The following STK32B variants were observed in gnomAD, a reference collection of about 807,000 sequenced individuals.
STK32B encodes serine/threonine-protein kinase 32B.
A neutral mutation model predicts 52.6 loss-of-function variants in STK32B; 43 were observed. That is an observed-to-expected ratio of 0.82 (90% CI 0.64 to 1.05). The LOEUF is 1.05. STK32B is among the 50% of genes least tolerant of loss of function. The pLI is 0.00. For missense variants in STK32B, 621 were observed against 534.6 expected (o/e 1.16, Z -1.59); for synonymous variants, 238 against 204.3 (o/e 1.17, Z -1.41).
intron 6 of STK32B, among the ~76,000 whole-genome samples, chr4:5,439,172 C>T (rs1480039873): frequency 3.4e-5 from 5 of 148,600 alleles, no homozygotes; most frequent in South Asian, 2.2e-4. Context: ...CCTGAGGAAT[C>T]GCCACACTGA....
intron 3 of STK32B, among the ~76,000 whole-genome samples, chr4:5,268,352 A>G (rs539251122): frequency 6.6e-6 from 1 of 152,228 alleles, no homozygotes; most frequent in South Asian, 2.1e-4. Context: ...AGTGTTTGGA[A>G]ATGTATCTGC....
chr4:5,053,684 A>G (rs1218196256), intron 1 of STK32B, among the ~76,000 whole-genome samples: 1 of 152,192 alleles, frequency 6.6e-6, no homozygotes. Context: ...GGTGCTTGTT[A>G]AAATACAAGG....
chr4:5,192,553 T>G (rs868839790), intron 3 of STK32B, among the ~76,000 whole-genome samples: 22 of 152,218 alleles, frequency 1.4e-4, no homozygotes, highest in Admixed American at 1.0e-3. Flanking sequence ...TAGGATATTA[T>G]TTTTAAATGA....
At chr4:5,280,840 A>G (rs770567782) in intron 3 of STK32B, among the ~76,000 whole-genome samples, 7 of 152,256 alleles carry the variant, frequency 4.6e-5, no homozygotes, top group Non-Finnish European at 8.8e-5. Context: ...CAGAGGTTGC[A>G]GTGAGCCGAC....
intron 3 of STK32B, among the ~76,000 whole-genome samples, chr4:5,194,196 A>T (rs1033680369): frequency 1.3e-5 from 2 of 152,208 alleles, no homozygotes; most frequent in Non-Finnish European, 2.9e-5. Flanking sequence ...CAGAAAAAAA[A>T]TGTGAGCTTT....
At chr4:5,356,839 A>C (rs1338494496) in intron 4 of STK32B, among the ~76,000 whole-genome samples, 1 of 152,090 alleles carries the variant, frequency 6.6e-6, no homozygotes, top group Non-Finnish European at 1.5e-5. Context: ...TCCACTGAAA[A>C]TACAAAAAAT....
intron 5 of STK32B, among the ~76,000 whole-genome samples, chr4:5,401,505 G>C (rs953323523): frequency 6.6e-6 from 1 of 152,172 alleles, no homozygotes; most frequent in African/African-American, 2.4e-5. Context: ...TGCTCCCCTA[G>C]TGTCTGCCTT....
At chr4:5,245,466 G>A (rs1046614306) in intron 3 of STK32B, among the ~76,000 whole-genome samples, 11 of 151,244 alleles carry the variant, frequency 7.3e-5, no homozygotes, top group Non-Finnish European at 1.0e-4. Context: ...TTGAGCCTAC[G>A]TGAGCACGTG....
At chr4:5,235,790 A>G (rs572953851) in intron 3 of STK32B, among the ~76,000 whole-genome samples, 3 of 152,320 alleles carry the variant, frequency 2.0e-5, no homozygotes, top group Admixed American at 1.3e-4. Context: ...AACGCTTAAC[A>G]AGGTCTCCTG....
rs1711982525 is a variant in STK32B at position 5,414,457 on chromosome 4, C to T, written c.473-2388C>T. Among the ~76,000 whole-genome samples, 11 of 152,110 alleles carry T rather than the reference C, an allele frequency of 7.2e-5. No individual in the cohort carries two copies. The South Asian group carries it at 2.3e-3, about 32-fold the overall frequency. Reference sequence around the variant, plus strand: ...AAAGAATGTTTCGGGTCAAATCTTACCACCAAAATAATTGTGGAAAAAATT... The same window carrying T: ...AAAGAATGTTTCGGGTCAAATCTTATCACCAAAATAATTGTGGAAAAAATT... On this transcript the variant is annotated intron_variant, in intron 5 of 11. Coordinates refer to ENST00000282908, the MANE Select transcript of STK32B (RefSeq NM_018401.3).
intron 3 of STK32B, among the ~76,000 whole-genome samples, chr4:5,230,072 A>C (rs1488529387): frequency 1.3e-5 from 2 of 151,522 alleles, no homozygotes; most frequent in African/African-American, 4.9e-5. Flanking sequence ...GGCTCACTGC[A>C]ATGTCCACCA....
intron 2 of STK32B, among the ~76,000 whole-genome samples, chr4:5,153,279 G>A (rs916361390): frequency 6.6e-6 from 1 of 152,168 alleles, no homozygotes; most frequent in African/African-American, 2.4e-5. Context: ...CTCTGGGTCA[G>A]AGCCTGCTTC....
chr4:5,412,308 A>G (rs1405748851), intron 5 of STK32B, among the ~76,000 whole-genome samples: 1 of 152,220 alleles, frequency 6.6e-6, no homozygotes, highest in Non-Finnish European at 1.5e-5. Context: ...GAAGGAACTC[A>G]TAGGAAATCT....
intron 7 of STK32B, among the ~76,000 whole-genome samples, chr4:5,455,753 G>A (rs3821923): frequency 0.09 from 13,696 of 152,096 alleles, 1,011 homozygotes; most frequent in East Asian, 0.4. Context: ...ACACTACTGG[G>A]GCCCCGAGAA....
At chr4:5,406,392 G>T (rs1039776356) in intron 5 of STK32B, among the ~76,000 whole-genome samples, 4 of 152,088 alleles carry the variant, frequency 2.6e-5, no homozygotes, top group Non-Finnish European at 4.4e-5. Context: ...ATAATGGTGG[G>T]CCCTCTTCTC....
intron 1 of STK32B, chr4:5,127,084 A>G (rs1357577519): frequency 3.9e-6 from 2 of 510,264 alleles, no homozygotes; most frequent in South Asian, 2.9e-5. Context: ...TAAGTGCTTT[A>G]TTCATGAGCC....
chr4:5,459,951 G>A (rs754111467), intron 8 of STK32B, 152 bp from the exon 9 acceptor site: 74 of 1,135,684 alleles, frequency 6.5e-5, no homozygotes, highest in Middle Eastern at 2.8e-4. Context: ...TGCAGATGGC[G>A]CTTCCAACAA....
intron 1 of STK32B, among the ~76,000 whole-genome samples, chr4:5,109,091 A>G (rs764540260): frequency 1.4e-4 from 22 of 152,184 alleles, no homozygotes; most frequent in Admixed American, 6.5e-4. Flanking sequence ...AATGCAGACT[A>G]AAGCCACATT....
At chr4:5,135,138 T>G (rs1429339045) in intron 1 of STK32B, among the ~76,000 whole-genome samples, 1 of 152,252 alleles carries the variant, frequency 6.6e-6, no homozygotes, top group Non-Finnish European at 1.5e-5. Context: ...AGACCAGTGT[T>G]GTATCACAAG....
Sources: allele counts gnomAD v4.1 joint callset (sites outside exome capture counted in the v4.1 genomes callset), GRCh38; gene constraint gnomAD v4.1.1; transcripts MANE v1.5; gene names NCBI Gene and HGNC (gene_info 2026-07-23, HGNC 2026-07-21).